Variants in DGKB observed in about 807,000 individuals in gnomAD.
DGKB encodes the protein diacylglycerol kinase beta, also known as 90 kDa diacylglycerol kinase.
DGKB carries 67 observed loss-of-function variants against 114.3 expected under a neutral mutation model. The observed-to-expected ratio is 0.59, with a 90% CI of 0.48 to 0.72. The LOEUF (loss-of-function observed/expected upper bound fraction) is 0.72, where lower values mean the gene tolerates loss of function less well. Ranked by LOEUF, DGKB falls within the 30% of genes least tolerant of loss-of-function variation. The probability of loss-of-function intolerance (pLI) is 0.00; values close to 1 mark genes in which losing one functional copy is unlikely to be tolerated. For synonymous variants in DGKB, 398 were observed against 323.1 expected (o/e 1.23, Z -2.49); for missense variants, 907 against 975.2 (o/e 0.93, Z 0.93).
chr7:14,175,944 A>G (rs910898216), intron 25 of DGKB: 1 of 151,786 alleles, frequency 6.6e-6, no homozygotes. Flanking sequence ...AGCTGGGACT[A>G]CAGGTGCGTG....
chr7:14,698,290 A>G, intron 7 of DGKB, 121 bp from the exon 8 acceptor site: 1 of 604,308 alleles, frequency 1.7e-6, no homozygotes, highest in Non-Finnish European at 2.9e-6. Context: ...TTCTATGGGA[A>G]TATATATATG....
At position 14,265,318 on chromosome 7, in the gene DGKB, C is replaced by CTTTTTTTTTTTTTTTTTTTTTTTT. The variant is rs781569705; in HGVS notation, c.2122+73196_2122+73197insAAAAAAAAAAAAAAAAAAAAAAAA. Among the ~76,000 whole-genome samples, 51 of 67,734 alleles carry CTTTTTTTTTTTTTTTTTTTTTTTT rather than the reference C, an allele frequency of 7.5e-4. 6 individuals carry two copies. Among genetic ancestry groups the CTTTTTTTTTTTTTTTTTTTTTTTT allele is most frequent in the East Asian group, 2.2e-3 (3 of 1,362 alleles). The allele number at this position is 67,734 out of a possible 152,430, so 44.4% of individuals were successfully genotyped here. A position where few individuals can be genotyped will look rare whatever the true frequency, so the allele number is the denominator to read the frequency against. On this transcript the variant is annotated intron_variant, in intron 23 of 25. Coordinates refer to ENST00000402815, the MANE Select transcript of DGKB (RefSeq NM_001350709.2). ...GGACTGCTGTCTTTTCTCTTGCATT[C>CTTTTTTTTTTTTTTTTTTTTTTTT]TTTTTTTTTTTTTTTTTTTTGCTTA...
Position 14,877,460 on chromosome 7 carries a change from C to G in DGKB, c.-188+25132G>C, listed in dbSNP as rs543811919. Among the ~76,000 whole-genome samples, 218 of 152,266 alleles carry G rather than the reference C, an allele frequency of 1.4e-3. 1 individual carries two copies. The highest frequency in any genetic ancestry group is 5.2e-3 in the Admixed American group (79 of 15,296). The stretch of plus-strand genomic sequence containing the variant: ...ATCCCAGCTACCCAGGAAGCTGAGG[C>G]AGGAGAATCCCTTGAACCCAGGAGG... On this transcript the variant is annotated intron_variant, in intron 1 of 25. Coordinates refer to ENST00000402815, the MANE Select transcript of DGKB (RefSeq NM_001350709.2).
chr7:14,810,566 A>T (rs2128077991), intron 2 of DGKB, among the ~76,000 whole-genome samples: 1 of 152,332 alleles, frequency 6.6e-6, no homozygotes, highest in South Asian at 2.1e-4. Flanking sequence ...TATTTTTAAA[A>T]CACTAAGGAA....
chr7:14,899,222 G>C (rs1782591029), intron 1 of DGKB, among the ~76,000 whole-genome samples: 1 of 152,084 alleles, frequency 6.6e-6, no homozygotes, highest in African/African-American at 2.4e-5. Context: ...TTTTCAGAAA[G>C]TGATTGTGCA....
At chr7:14,596,044 T>C (rs1802522941) in intron 17 of DGKB, among the ~76,000 whole-genome samples, 1 of 152,138 alleles carries the variant, frequency 6.6e-6, no homozygotes, top group South Asian at 2.1e-4. Context: ...GTTACGTTAA[T>C]AACATGACAT....
chr7:14,340,413 A>T (rs1014653378), intron 22 of DGKB, among the ~76,000 whole-genome samples: 1 of 151,516 alleles, frequency 6.6e-6, no homozygotes, highest in Non-Finnish European at 1.5e-5. Flanking sequence ...TACTGGCTGG[A>T]TAATTAGATA....
chr7:14,291,140 C>T (rs1267245998), intron 23 of DGKB, among the ~76,000 whole-genome samples: 8 of 41,548 alleles, frequency 1.9e-4, no homozygotes, highest in African/African-American at 4.9e-4. Flanking sequence ...AAAACTCCGT[C>T]TCAAAAAAAA....
intron 2 of DGKB, among the ~76,000 whole-genome samples, chr7:14,839,292 T>G (rs1847582536): frequency 6.6e-6 from 1 of 152,116 alleles, no homozygotes; most frequent in Admixed American, 6.6e-5. Flanking sequence ...ATATGGAAAT[T>G]TGAAATCATA....
intron 20 of DGKB, among the ~76,000 whole-genome samples, chr7:14,567,428 T>TG: frequency 3.7e-5 from 2 of 53,348 alleles, no homozygotes; most frequent in African/African-American, 7.5e-5. Flanking sequence ...TTATATATTA[T>TG]ATATATAATT....
intron 1 of DGKB, among the ~76,000 whole-genome samples, chr7:14,923,558 T>C (rs1163774590): frequency 1.3e-5 from 2 of 152,224 alleles, no homozygotes; most frequent in African/African-American, 4.8e-5. Context: ...CTTTTCCTTT[T>C]CTGTATTGTA....
intron 23 of DGKB, among the ~76,000 whole-genome samples, chr7:14,219,647 T>C (rs1344149315): frequency 6.6e-6 from 1 of 151,810 alleles, no homozygotes; most frequent in Admixed American, 6.6e-5. Flanking sequence ...TTTTTTGTTA[T>C]TGAGTTGTAT....
chr7:14,274,971 G>GTT (rs199860093), intron 23 of DGKB, among the ~76,000 whole-genome samples: 14,781 of 141,058 alleles, frequency 0.1, 801 homozygotes, highest in Middle Eastern at 0.15. Context: ...GTGTGTGTGT[G>GTT]TGTTTGTGTG....
intron 25 of DGKB, among the ~76,000 whole-genome samples, chr7:14,159,240 T>C (rs775494118): frequency 6.0e-4 from 92 of 152,222 alleles, no homozygotes; most frequent in Non-Finnish European, 1.1e-3. Context: ...ACACACCAGG[T>C]TCCTTCCCAC....
intron 24 of DGKB, 99 bp from the exon 25 acceptor site, chr7:14,176,998 G>A (rs1584264298): frequency 1.5e-6 from 2 of 1,370,396 alleles, no homozygotes; most frequent in Non-Finnish European, 2.0e-6. Context: ...AGGCAATATG[G>A]TAATAGTTGG....
At chr7:14,591,401 A>G (rs1801686343) in intron 17 of DGKB, among the ~76,000 whole-genome samples, 1 of 152,132 alleles carries the variant, frequency 6.6e-6, no homozygotes, top group South Asian at 2.1e-4. Context: ...CAAATGATGT[A>G]TGAAGAAAAT....
At chr7:14,795,965 G>C (rs1482640307) in intron 2 of DGKB, among the ~76,000 whole-genome samples, 1 of 152,018 alleles carries the variant, frequency 6.6e-6, no homozygotes, top group Non-Finnish European at 1.5e-5. Flanking sequence ...TCTAATTTGA[G>C]GCACTAAGGA....
intron 12 of DGKB, among the ~76,000 whole-genome samples, chr7:14,675,278 G>A (rs780899929): frequency 6.6e-6 from 1 of 152,064 alleles, no homozygotes; most frequent in South Asian, 2.1e-4. Context: ...TGCAGTCAGA[G>A]GCCTCAGCCT....
At chr7:14,694,552 C>T (rs116165706) in intron 8 of DGKB, among the ~76,000 whole-genome samples, 310 of 152,216 alleles carry the variant, frequency 2.0e-3, no homozygotes, top group Middle Eastern at 6.8e-3. Flanking sequence ...AACAAATTAA[C>T]TTCATGGCAA....
Sources: gnomAD v4.1 joint callset for allele counts (sites outside exome capture counted in the v4.1 genomes callset) on GRCh38, gnomAD v4.1.1 for gene constraint, MANE v1.5 for transcripts, NCBI Gene and HGNC (gene_info 2026-07-23, HGNC 2026-07-21) for gene names.